The following BICD1 variants were observed in gnomAD, a reference collection of about 807,000 sequenced individuals.
BICD1 encodes protein bicaudal D homolog 1.
BICD1 carries 35 observed loss-of-function variants against 92.5 expected under a neutral mutation model. The observed-to-expected ratio is 0.38, with a 90% confidence interval of 0.29 to 0.50. BICD1 has a LOEUF of 0.50. BICD1 is among the 20% of genes least tolerant of loss of function. BICD1 has a pLI of 0.93. For missense variants in BICD1, 950 were observed against 1,189.8 expected (o/e 0.80, Z 2.97); for synonymous variants, 429 against 465.1 (o/e 0.92, Z 1.00).
rs1043395546 is a variant in BICD1 at position 32,177,919 on chromosome 12, G to A, written c.214-38328G>A. On this transcript the variant is annotated intron_variant, in intron 1 of 9. Transcript: ENST00000652176. ...GCAGCTGTTAAAAATAGTGATATACGTGTGTTTAGAATGTATGTTAAATTC... is the reference window on the plus strand; with the variant it reads ...GCAGCTGTTAAAAATAGTGATATACATGTGTTTAGAATGTATGTTAAATTC... 4.0e-5 allele frequency among the ~76,000 whole-genome samples: 6 copies of A among 150,624 alleles called. 1 individual carries two copies. Among genetic ancestry groups the A allele is most frequent in the Non-Finnish European group, 7.4e-5 (5 of 67,670 alleles).
At chr12:32,212,001 C>G (rs1945228948) in intron 1 of BICD1, among the ~76,000 whole-genome samples, 1 of 152,210 alleles carries the variant, frequency 6.6e-6, no homozygotes, top group Admixed American at 6.5e-5. Flanking sequence ...CTGTGCTTAT[C>G]ACCACATCTG....
chr12:32,302,641 C>T (rs912415181), intron 3 of BICD1, among the ~76,000 whole-genome samples: 24 of 152,254 alleles, frequency 1.6e-4, no homozygotes, highest in Non-Finnish European at 2.6e-4. Context: ...TACTCATAAT[C>T]TTAAGTAATG....
At chr12:32,177,625 A>G (rs1392422358) in intron 1 of BICD1, among the ~76,000 whole-genome samples, 1 of 149,746 alleles carries the variant, frequency 6.7e-6, no homozygotes, top group Non-Finnish European at 1.5e-5. Context: ...GAGGTGGTTA[A>G]GGGGAGGTGT....
intron 5 of BICD1, chr12:32,332,365 G>GT: frequency 1.2e-6 from 1 of 830,636 alleles, no homozygotes; most frequent in Non-Finnish European, 1.5e-6. Flanking sequence ...TCCTGCAGCT[G>GT]TACCCCTGAA....
chr12:32,363,363 G>A (rs1425029263), intron 8 of BICD1, among the ~76,000 whole-genome samples: 4 of 152,100 alleles, frequency 2.6e-5, no homozygotes, highest in East Asian at 1.9e-4. Context: ...CAGCCTGAGC[G>A]ACATAGCAAG....
At chr12:32,216,220 C>G in intron 1 of BICD1, 27 bp from the exon 2 acceptor site, 2 of 1,603,912 alleles carry the variant, frequency 1.2e-6, no homozygotes, top group Non-Finnish European at 1.7e-6. Context: ...TCATTGTGTA[C>G]TCTTTTTCTT....
At chr12:32,252,738 G>GTCCTATGTGCCTATAAGGCATTAACAAGC (rs1946601198) in intron 2 of BICD1, among the ~76,000 whole-genome samples, 1 of 152,210 alleles carries the variant, frequency 6.6e-6, no homozygotes, top group South Asian at 2.1e-4. Flanking sequence ...CATAGTGTCA[G>GTCCTATGTGCCTATAAGGCATTAACAAGC]TCCTGTGAGA....
At chr12:32,130,453 A>T (rs1029490297) in intron 1 of BICD1, among the ~76,000 whole-genome samples, 1 of 152,174 alleles carries the variant, frequency 6.6e-6, no homozygotes, top group African/African-American at 2.4e-5. Flanking sequence ...AGCCTCCCAA[A>T]GTGCTGGGAT....
chr12:32,117,479 T>G (rs996285760), intron 1 of BICD1, among the ~76,000 whole-genome samples: 2 of 152,058 alleles, frequency 1.3e-5, no homozygotes, highest in Non-Finnish European at 2.9e-5. Flanking sequence ...ATGTTTTGCT[T>G]TATTTTCAGA....
At chr12:32,147,383 G>T (rs549832561) in intron 1 of BICD1, among the ~76,000 whole-genome samples, 2 of 152,156 alleles carry the variant, frequency 1.3e-5, no homozygotes, top group Non-Finnish European at 2.9e-5. Flanking sequence ...CTGAAAGGTC[G>T]TTCAGGTGGC....
chr12:32,264,562 A>C (rs1486329242), intron 2 of BICD1, among the ~76,000 whole-genome samples: 1 of 152,150 alleles, frequency 6.6e-6, no homozygotes, highest in Non-Finnish European at 1.5e-5. Flanking sequence ...ATGTCAGCTC[A>C]CTGCAACCTC....
intron 2 of BICD1, among the ~76,000 whole-genome samples, chr12:32,242,702 C>CT (rs1398411827): frequency 2.6e-5 from 4 of 151,878 alleles, no homozygotes; most frequent in Non-Finnish European, 5.9e-5. Flanking sequence ...GTTTATTTTC[C>CT]TTTTGATTTT....
intron 1 of BICD1, among the ~76,000 whole-genome samples, chr12:32,195,563 A>C (rs1944703059): frequency 6.6e-6 from 1 of 152,238 alleles, no homozygotes; most frequent in Non-Finnish European, 1.5e-5. Flanking sequence ...GTGTTGGAAA[A>C]ACTGGATATC....
intron 8 of BICD1, among the ~76,000 whole-genome samples, chr12:32,354,641 T>G (rs1231144251): frequency 6.6e-6 from 1 of 152,196 alleles, no homozygotes; most frequent in Non-Finnish European, 1.5e-5. Flanking sequence ...TAACTGATGT[T>G]TTAACAGGGG....
chr12:32,165,837 T>A (rs867987398), intron 1 of BICD1, among the ~76,000 whole-genome samples: 7 of 152,228 alleles, frequency 4.6e-5, no homozygotes, highest in Admixed American at 1.3e-4. Context: ...AAGCAAAACA[T>A]GATAAAACAA....
intron 4 of BICD1, among the ~76,000 whole-genome samples, chr12:32,321,786 G>T (rs1467104143): frequency 6.6e-6 from 1 of 152,126 alleles, no homozygotes; most frequent in Non-Finnish European, 1.5e-5. Flanking sequence ...ATCACCTGAG[G>T]TCAAGAGTTC....
chr12:32,332,966 GAAA>G (rs1024844095), intron 5 of BICD1: 56 of 985,238 alleles, frequency 5.7e-5, no homozygotes, highest in Non-Finnish European at 6.3e-5. Flanking sequence ...CTTAATTCTG[GAAA>G]AACTTTGCAC....
chr12:32,136,831 T>C (rs1271151), intron 1 of BICD1, among the ~76,000 whole-genome samples: 121,212 of 152,132 alleles, frequency 0.8, 48,379 homozygotes, highest in Middle Eastern at 0.88. Context: ...CTTCTAGTCT[T>C]ATCTCTCTAG....
rs1397723033 is a variant in BICD1 at position 32,367,655 on chromosome 12, A to G, written c.2765-15A>G. ...ATCTCTTTGTACACATGTCTAATTT[A>G]TCAGTTTCTTGTAGATTGTCAGCAG... On this transcript the variant is annotated splice_polypyrimidine_tract_variant and intron_variant, in intron 8 of 9. Transcript: ENST00000652176. The G allele has an allele frequency of 2.5e-6, 4 of 1,612,202 alleles. No individual in the cohort carries two copies. The highest frequency in any genetic ancestry group is 3.4e-6 in the Non-Finnish European group (4 of 1,179,066).
Sources: gnomAD v4.1 joint callset for allele counts (sites outside exome capture counted in the v4.1 genomes callset) on GRCh38, gnomAD v4.1.1 for gene constraint, MANE v1.5 for transcripts, NCBI Gene and HGNC (gene_info 2026-07-23, HGNC 2026-07-21) for gene names.